Variants in CDCA2 observed in about 807,000 individuals in gnomAD.
CDCA2 encodes the protein cell division cycle associated 2, also known as cell division cycle-associated protein 2.
CDCA2 carries 44 observed loss-of-function variants against 67.0 expected under a neutral mutation model. The observed-to-expected ratio is 0.66, with a 90% confidence interval of 0.52 to 0.84. CDCA2 has a LOEUF of 0.84. Among genes scored for constraint, CDCA2 ranks in the 40% least tolerant of loss-of-function variants. CDCA2 has a pLI of 0.00. For synonymous variants in CDCA2, 447 were observed against 418.7 expected (o/e 1.07, Z -0.82); for missense variants, 1,253 against 1,203.2 (o/e 1.04, Z -0.61).
intron 13 of CDCA2, among the ~76,000 whole-genome samples, chr8:25,490,200 C>T (rs936184581): frequency 4.6e-5 from 7 of 151,764 alleles, no homozygotes; most frequent in East Asian, 1.9e-4. Context: ...TGATTTCCTT[C>T]GTGTGTGTGT....
chr8:25,462,472 C>T (rs1262771752), intron 4 of CDCA2, among the ~76,000 whole-genome samples: 10 of 110,862 alleles, frequency 9.0e-5, no homozygotes, highest in Admixed American at 6.3e-4. Flanking sequence ...ACTAAAAATA[C>T]GAAAATTAGC....
intron 13 of CDCA2, among the ~76,000 whole-genome samples, chr8:25,501,333 C>T (rs1192704895): frequency 2.0e-5 from 3 of 152,218 alleles, no homozygotes; most frequent in Admixed American, 6.5e-5. Context: ...TTGAATCTCA[C>T]CATTAGTTTC....
chr8:25,483,363 T>C (rs1391392992), intron 8 of CDCA2, 36 bp from the exon 9 acceptor site: 4 of 1,357,788 alleles, frequency 2.9e-6, no homozygotes, highest in Non-Finnish European at 4.1e-6. Flanking sequence ...TGTATTTCTA[T>C]ATGTAAAATT....
At chr8:25,473,312 G>C (rs957207796) in intron 7 of CDCA2, among the ~76,000 whole-genome samples, 3 of 152,182 alleles carry the variant, frequency 2.0e-5, no homozygotes, top group Non-Finnish European at 4.4e-5. Context: ...TGTCATGTAT[G>C]TCCTTTATTG....
intron 8 of CDCA2, among the ~76,000 whole-genome samples, chr8:25,481,112 C>T (rs1022677566): frequency 6.6e-6 from 1 of 151,384 alleles, no homozygotes. Context: ...AAAGCTTTAA[C>T]AATTTTGTTC....
rs534693276 is a variant in CDCA2 at position 25,506,670 on chromosome 8, G to A, written c.2004G>A (p.Ser668=). ...GCTCTTATATAAAAAGTTCCTCATC[G>A]CTTGGCAATGCTACTTCTGATGAAG... ...EFCSYIKSSS[S]LGNATSDEDP... is the part of the protein sequence containing the mutation. Residue 668 remains serine (S), a synonymous_variant, in exon 15 of 15, where the codon TCG becomes TCA. Transcript: ENST00000330560. The A allele has an allele frequency of 8.7e-6, 14 of 1,613,122 alleles. No individual in the cohort carries two copies. The highest frequency in any genetic ancestry group is 3.3e-5 in the South Asian group (3 of 90,752).
At position 25,460,265 on chromosome 8, in the gene CDCA2, C is replaced by G. The variant is rs368464192; in HGVS notation, c.26C>G (p.Pro9Arg). Reference protein sequence around the residue: MDANSKDKPPETKESAMNN... With the variant: MDANSKDKRPETKESAMNN... ...ATGGATGCCAATTCAAAAGACAAGC[C>G]CCCTGAAACCAAGGAGTCTGCAATG... is the stretch of plus-strand genomic sequence containing the variant. The change falls in exon 2 of 15, where the codon CCC (proline) becomes CGC (arginine). Residue 9 changes from proline (P) to arginine (R), a missense_variant. By Grantham distance (103) the Pro-to-Arg change is moderately radical. Transcript: ENST00000330560. The G allele has an allele frequency of 2.5e-6, 4 of 1,614,128 alleles. No individual in the cohort carries two copies. Among genetic ancestry groups the G allele is most frequent in the Non-Finnish European group, 2.5e-6 (3 of 1,180,010 alleles).
In CDCA2 at chr8:25,487,146, G is replaced by T. The variant is rs1756841063; in HGVS notation, c.1445-100G>T. The T allele has an allele frequency of 4.1e-6, 3 of 735,426 alleles. No homozygotes were observed. The African/African-American group carries it at 5.4e-5, about 13-fold the overall frequency. The allele number at this position is 735,426 out of a possible 1,614,324, so 45.6% of individuals were successfully genotyped here. Reference sequence around the variant, plus strand: ...CTCCTCTTTTTTTTGTTTAGATATGGTATTAAAGGTGGATATCCTAAACAC... The same window carrying T: ...CTCCTCTTTTTTTTGTTTAGATATGTTATTAAAGGTGGATATCCTAAACAC... On this transcript the variant is annotated intron_variant, in intron 11 of 14. Transcript: ENST00000330560.
At chr8:25,499,090 G>A (rs1316571713) in intron 13 of CDCA2, among the ~76,000 whole-genome samples, 1 of 152,006 alleles carries the variant, frequency 6.6e-6, no homozygotes, top group Admixed American at 6.5e-5. Flanking sequence ...ATGGGTACAT[G>A]GGGTTCTGTA....
chr8:25,503,249 C>T, intron 13 of CDCA2, 124 bp from the exon 14 acceptor site: 2 of 730,662 alleles, frequency 2.7e-6, no homozygotes, highest in Non-Finnish European at 4.5e-6. Flanking sequence ...TGCCACTGCA[C>T]TCCAGCCTGG....
chr8:25,477,070 G>C (rs1191493815), intron 7 of CDCA2, among the ~76,000 whole-genome samples: 1 of 152,130 alleles, frequency 6.6e-6, no homozygotes, highest in Non-Finnish European at 1.5e-5. Context: ...TTTAAGAGAA[G>C]GCCACACTCT....
rs74569641 is a variant in CDCA2, at chr8:25,466,154, G to A, written c.388-21G>A. 4.3e-3 allele frequency: 6,806 copies of A among 1,583,314 alleles called. 24 individuals are homozygous for A. Among genetic ancestry groups the A allele is most frequent in the Non-Finnish European group, 4.9e-3 (5,773 of 1,171,212 alleles). Reference sequence around the variant, plus strand: ...GTATGAATTGATTATAATACTCCTTGTATATTTTGCACTTTCACAGGGCAG... The same window carrying A: ...GTATGAATTGATTATAATACTCCTTATATATTTTGCACTTTCACAGGGCAG... On this transcript the variant is annotated intron_variant, in intron 4 of 14. Transcript: ENST00000330560.
chr8:25,485,502 G>A (rs565964139), intron 10 of CDCA2, among the ~76,000 whole-genome samples: 6 of 152,024 alleles, frequency 3.9e-5, no homozygotes, highest in Admixed American at 6.5e-5. Context: ...GTGTACTTTC[G>A]CTTATAAATT....
chr8:25,497,362 A>G (rs1045034299), intron 13 of CDCA2, among the ~76,000 whole-genome samples: 8 of 152,298 alleles, frequency 5.3e-5, no homozygotes, highest in African/African-American at 1.7e-4. Flanking sequence ...GTACACACAC[A>G]ACAAAATGCT....
In CDCA2 at chr8:25,469,922, G is replaced by A; in HGVS notation, c.762G>A (p.Gln254=). ...TATCATCTAAACTTGGTTCAACACA[G>A]TCTGGATTTTTAGTTGAAGAGTCTC... ...SEISSKLGST[Q]SGFLVEESLP... Residue 254 remains glutamine (Q), a synonymous_variant, in exon 7 of 15, where the codon CAG becomes CAA. Coordinates refer to ENST00000330560, the MANE Select transcript of CDCA2 (RefSeq NM_152562.4). 1 of 1,611,302 alleles carries A rather than the reference G, an allele frequency of 6.2e-7. No individual in the cohort carries two copies. Among genetic ancestry groups the A allele is most frequent in the South Asian group, 1.1e-5 (1 of 90,700 alleles).
Position 25,507,786 on chromosome 8 carries a change from T to C in CDCA2, c.*48T>C. 6.4e-7 allele frequency: 1 copy of C among 1,553,282 alleles called. No homozygotes were observed. The highest frequency in any genetic ancestry group is 1.4e-5 in the African/African-American group (1 of 73,198). On this transcript the variant is annotated 3_prime_UTR_variant, in exon 15 of 15. Coordinates refer to ENST00000330560, the MANE Select transcript of CDCA2 (RefSeq NM_152562.4). ...TGGCAAGAGGGAAAGTAACCATCTA[T>C]GCTGAAATGATCTGTCTAGTTCCCA... is the stretch of plus-strand genomic sequence containing the variant.
chr8:25,468,311 T>A lies in CDCA2; in HGVS notation c.633T>A (p.Asp211Glu). ...GAATATCCTATCAGAGAGACTCTGA[T>A]GAAAATCTGACGGATGCTGAAGGAA... ...RRRISYQRDS[D>E]ENLTDAEGKV... The change falls in exon 6 of 15, where the codon GAT (aspartate) becomes GAA (glutamate). Residue 211 changes from aspartate (D) to glutamate (E), a missense_variant. Physicochemically the swap from Asp to Glu is conservative, Grantham distance 45. Coordinates refer to ENST00000330560, the MANE Select transcript of CDCA2 (RefSeq NM_152562.4). The A allele has an allele frequency of 6.2e-7, 1 of 1,614,026 alleles. No homozygotes were observed. The highest frequency in any genetic ancestry group is 8.5e-7 in the Non-Finnish European group (1 of 1,179,940).
intron 4 of CDCA2, among the ~76,000 whole-genome samples, chr8:25,463,440 G>T (rs758318479): frequency 3.3e-5 from 5 of 152,120 alleles, no homozygotes; most frequent in Non-Finnish European, 7.3e-5. Context: ...TTGTGGTGAG[G>T]CTGGTGCAAA....
chr8:25,492,010 C>G (rs558018259), intron 13 of CDCA2, among the ~76,000 whole-genome samples: 22 of 152,222 alleles, frequency 1.4e-4, no homozygotes, highest in African/African-American at 5.3e-4. Context: ...GTTAGCCAGG[C>G]TGGTCTCAAA....
Sources: allele counts gnomAD v4.1 joint callset (sites outside exome capture counted in the v4.1 genomes callset), GRCh38; gene constraint gnomAD v4.1.1; transcripts MANE v1.5; gene names NCBI Gene and HGNC (gene_info 2026-07-23, HGNC 2026-07-21).